Variants in ZNF365 observed in about 807,000 individuals in gnomAD.
The protein encoded by ZNF365 is protein ZNF365.
In ZNF365, 22 loss-of-function variants were observed where a neutral mutation model predicts 35.0. The ratio of observed to expected loss-of-function variants is 0.63; its 90% CI spans 0.45 to 0.90. ZNF365 has a LOEUF of 0.90. ZNF365 is among the 40% of genes least tolerant of loss of function. The pLI is 0.00. For synonymous variants in ZNF365, 188 were observed against 196.2 expected, an observed-to-expected ratio of 0.96 and a Z score of 0.35; for missense variants, 448 against 500.3, an observed-to-expected ratio of 0.90 and a Z score of 1.00.
At chr10:62,381,833 C>T (rs1344461491) in intron 2 of ZNF365, among the ~76,000 whole-genome samples, 1 of 152,166 alleles carries the variant, frequency 6.6e-6, no homozygotes, top group Non-Finnish European at 1.5e-5. Flanking sequence ...CATCCTACTC[C>T]CTTGCAGGCA....
Position 62,399,538 on chromosome 10 carries a change from C to T in ZNF365, c.973C>T (p.His325Tyr). 6.2e-7 allele frequency: 1 copy of T among 1,614,002 alleles called. No individual in the cohort carries two copies. Among genetic ancestry groups the T allele is most frequent in the East Asian group, 2.2e-5 (1 of 44,878 alleles). ...TCCAACCCTCTGTAGAAGCCGAGGG[C>T]ACCCGCATTCGGTATGTAACCACCC... ...NRKPKCLSRG[H>Y]PHSVCNHPDL... The change falls in exon 5 of 5, where the codon CAC becomes TAC. Residue 325 changes from histidine (H) to tyrosine (Y), a missense_variant. By Grantham distance (83) the His-to-Tyr change is moderately conservative. Coordinates refer to ENST00000395254, the MANE Select transcript of ZNF365 (RefSeq NM_014951.3).
chr10:62,399,852 C>T lies in ZNF365; in HGVS notation c.*63C>T. The T allele has an allele frequency of 6.6e-7, 1 of 1,523,164 alleles. No individual in the cohort carries two copies. The highest frequency in any genetic ancestry group is 8.8e-7 in the Non-Finnish European group (1 of 1,134,228). 94.4% of individuals were successfully genotyped at this position (1,523,164 alleles called of 1,614,324 possible). ...TGGGGAACGTTGTTCCAGGAGCCAACAGTAATGTCTTTCTGGAAACATTCC... is the reference window on the plus strand; with the variant it reads ...TGGGGAACGTTGTTCCAGGAGCCAATAGTAATGTCTTTCTGGAAACATTCC... On this transcript the variant is annotated 3_prime_UTR_variant, in exon 5 of 5. Coordinates refer to ENST00000395254, the MANE Select transcript of ZNF365 (RefSeq NM_014951.3).
rs753964300 is a variant in ZNF365, at chr10:62,376,720, T to C, written c.527T>C (p.Ile176Thr). The change falls in exon 2 of 5, where the codon ATT (isoleucine) becomes ACT (threonine). Residue 176 changes from isoleucine (I) to threonine (T), a missense_variant. Coordinates refer to ENST00000395254, the MANE Select transcript of ZNF365 (RefSeq NM_014951.3). ...ATGGTTGAGGCTGTGGATAGGACCA[T>C]TGAGAAGAGAATTGATAAACTCACC... ...NRMVEAVDRT[I>T]EKRIDKLTKE... 6.2e-6 allele frequency: 10 copies of C among 1,614,104 alleles called. No homozygotes were observed. In the Middle Eastern group the frequency reaches 4.9e-4, roughly 80 times the overall value.
chr10:62,385,062 G>A (rs1270848489), intron 2 of ZNF365, among the ~76,000 whole-genome samples: 2 of 152,122 alleles, frequency 1.3e-5, no homozygotes, highest in Non-Finnish European at 2.9e-5. Flanking sequence ...ATCTAACAAA[G>A]ATACCCTACA....
intron 3 of ZNF365, among the ~76,000 whole-genome samples, chr10:62,416,765 T>C (rs993097295): frequency 6.6e-6 from 1 of 152,110 alleles, no homozygotes; most frequent in Non-Finnish European, 1.5e-5. Context: ...TACTTACTAG[T>C]TGGGCATCCC....
At chr10:62,439,356 C>T (rs1840457541) in intron 3 of ZNF365, among the ~76,000 whole-genome samples, 1 of 149,792 alleles carries the variant, frequency 6.7e-6, no homozygotes, top group South Asian at 2.1e-4. Flanking sequence ...ATAATCTTTA[C>T]TTAGAATTTT....
chr10:62,404,384 G>A (rs1056804229), downstream of ZNF365, among the ~76,000 whole-genome samples: 2 of 152,218 alleles, frequency 1.3e-5, no homozygotes, highest in Non-Finnish European at 2.9e-5. Context: ...AGAAAGTTCT[G>A]AGGAAGCAGA....
chr10:62,450,359 TAAG>T (rs764269978), intron 3 of ZNF365, among the ~76,000 whole-genome samples: 1 of 152,198 alleles, frequency 6.6e-6, no homozygotes, highest in Non-Finnish European at 1.5e-5. Flanking sequence ...AATTTAAAGA[TAAG>T]AAGCCTGAGG....
intron 3 of ZNF365, among the ~76,000 whole-genome samples, chr10:62,447,431 G>T (rs1840608675): frequency 6.6e-6 from 1 of 152,180 alleles, no homozygotes; most frequent in Admixed American, 6.5e-5. Context: ...CTGTAAAGAA[G>T]TATGTCTTCA....
chr10:62,463,019 G>A (rs948575795), intron 4 of ZNF365, among the ~76,000 whole-genome samples: 2 of 152,140 alleles, frequency 1.3e-5, no homozygotes, highest in East Asian at 3.8e-4. Context: ...GTTTTTCCAA[G>A]GCCTTGTTGT....
At chr10:62,477,932 T>A (rs1841159471) in intron 4 of ZNF365, among the ~76,000 whole-genome samples, 2 of 152,148 alleles carry the variant, frequency 1.3e-5, no homozygotes, top group Admixed American at 1.3e-4. Flanking sequence ...GAAACAAAAA[T>A]ATTTGGTGAA....
Position 62,376,168 on chromosome 10 carries a change from T to TC in ZNF365, c.-13-7dup, listed in dbSNP as rs779416618. ...TCAGCCGACTTGTAAACTACCTATTTCCCCCCTCCCAGGACTTTTAGAGTA... is the reference window on the plus strand; with the variant it reads ...TCAGCCGACTTGTAAACTACCTATTTCCCCCCCTCCCAGGACTTTTAGAGTA... On this transcript the variant is annotated splice_polypyrimidine_tract_variant and intron_variant, in intron 1 of 4. Transcript: ENST00000395254. The TC allele has an allele frequency of 1.9e-6, 3 of 1,611,250 alleles. No individual in the cohort carries two copies. Among genetic ancestry groups the TC allele is most frequent in the South Asian group, 1.1e-5 (1 of 90,792 alleles).
rs114092537 is a variant in ZNF365 at position 62,429,872 on chromosome 10, C to T, written c.925-29869C>T. Among the ~76,000 whole-genome samples, 416 of 152,222 alleles carry T rather than the reference C, an allele frequency of 2.7e-3. 1 individual carries two copies. The highest frequency in any genetic ancestry group is 9.5e-3 in the African/African-American group (395 of 41,532). Reference sequence around the variant, plus strand: ...TAAAGCTCAGATCTTCTTGCACTAGCGTTACTCACCAAAGAAACTTATTCA... The same window carrying T: ...TAAAGCTCAGATCTTCTTGCACTAGTGTTACTCACCAAAGAAACTTATTCA... On this transcript the variant is annotated intron_variant, in intron 3 of 4. Coordinates refer to the ZNF365 transcript ENST00000395255.
intron 3 of ZNF365, among the ~76,000 whole-genome samples, chr10:62,453,881 TACCATAGAAC>T (rs1362017329): frequency 6.6e-6 from 1 of 152,234 alleles, no homozygotes; most frequent in African/African-American, 2.4e-5. Context: ...AATACATCTT[TACCATAGAAC>T]ACCATTGTAG....
chr10:62,468,080 G>A (rs1324822832), intron 4 of ZNF365, among the ~76,000 whole-genome samples: 1 of 152,070 alleles, frequency 6.6e-6, no homozygotes, highest in Non-Finnish European at 1.5e-5. Flanking sequence ...TTCAGGTAAT[G>A]TACCTTTATG....
chr10:62,438,277 C>T (rs1488867014), intron 3 of ZNF365, among the ~76,000 whole-genome samples: 1 of 151,890 alleles, frequency 6.6e-6, no homozygotes, highest in African/African-American at 2.4e-5. Flanking sequence ...CAACCTCCGC[C>T]TCCCAGGCTC....
chr10:62,439,329 A>C (rs747029472), intron 3 of ZNF365, among the ~76,000 whole-genome samples: 15 of 151,804 alleles, frequency 9.9e-5, no homozygotes, highest in Non-Finnish European at 2.2e-4. Flanking sequence ...CACTCACGTG[A>C]TTGAGCAATT....
At chr10:62,471,126 G>C (rs1219376701) in intron 4 of ZNF365, among the ~76,000 whole-genome samples, 1 of 151,998 alleles carries the variant, frequency 6.6e-6, no homozygotes, top group Non-Finnish European at 1.5e-5. Context: ...CAGCACTTTG[G>C]GAGGCCAAGG....
At chr10:62,412,240 T>C (rs1839996900) in intron 3 of ZNF365, among the ~76,000 whole-genome samples, 1 of 151,966 alleles carries the variant, frequency 6.6e-6, no homozygotes, top group Admixed American at 6.6e-5. Context: ...TCAACATTGC[T>C]TCATGTTAAA....
Sources: gnomAD v4.1 joint callset for allele counts (sites outside exome capture counted in the v4.1 genomes callset) on GRCh38, gnomAD v4.1.1 for gene constraint, MANE v1.5 for transcripts, NCBI Gene and HGNC (gene_info 2026-07-23, HGNC 2026-07-21) for gene names.